Variants in IFT56 observed in about 807,000 individuals in gnomAD.
The protein encoded by IFT56 is intraflagellar transport 56, also known as intraflagellar transport protein 56.
the IFT56 span, chr7:139,191,755 A>C: frequency 6.6e-6 from 1 of 152,226 alleles, no homozygotes; most frequent in Non-Finnish European, 1.5e-5. Context: ...AAGATTGCAA[A>C]GTAGTATTGC....
the IFT56 span, among the ~76,000 whole-genome samples, chr7:139,177,901 T>C: frequency 6.6e-6 from 1 of 152,068 alleles, no homozygotes; most frequent in African/African-American, 2.4e-5. Flanking sequence ...ACTAATTGAA[T>C]GTGCACATGT....
chr7:139,181,036 A>AT, the IFT56 span: 2 of 1,109,146 alleles, frequency 1.8e-6, no homozygotes, highest in Non-Finnish European at 2.7e-6. Flanking sequence ...TGCAGAAATT[A>AT]TTTTTGTACA....
chr7:139,141,474 T>C, the IFT56 span, among the ~76,000 whole-genome samples: 4 of 152,308 alleles, frequency 2.6e-5, no homozygotes, highest in South Asian at 2.1e-4. Flanking sequence ...TAGGTACTAA[T>C]GTAGTTTTTC....
chr7:139,173,244 T>G, the IFT56 span: 5 of 449,902 alleles, frequency 1.1e-5, no homozygotes, highest in Non-Finnish European at 2.0e-5. Flanking sequence ...TTTTTTTTTT[T>G]GAGATGGAGT....
chr7:139,168,205 C>A, the IFT56 span: 1 of 472,622 alleles, frequency 2.1e-6, no homozygotes, highest in Non-Finnish European at 3.7e-6. Flanking sequence ...TTTATTCAAG[C>A]CAGGGATAGA....
chr7:139,173,747 C>T, the IFT56 span: 112 of 765,712 alleles, frequency 1.5e-4, 2 homozygotes, highest in South Asian at 1.4e-3. Context: ...AAAATGCTTC[C>T]AAAATCATTA....
At chr7:139,189,089 C>T in the IFT56 span, among the ~76,000 whole-genome samples, 1 of 152,146 alleles carries the variant, frequency 6.6e-6, no homozygotes, top group Non-Finnish European at 1.5e-5. Flanking sequence ...TATGGATAAA[C>T]AAGGAACACT....
the IFT56 span, among the ~76,000 whole-genome samples, chr7:139,156,343 A>T: frequency 6.6e-6 from 1 of 150,784 alleles, no homozygotes; most frequent in Admixed American, 6.6e-5. Context: ...TTTCTGCTCT[A>T]ATCTTTATTT....
the IFT56 span, among the ~76,000 whole-genome samples, chr7:139,163,850 A>C: frequency 3.9e-5 from 6 of 152,222 alleles, no homozygotes; most frequent in African/African-American, 1.4e-4. Context: ...AAGGAACCAA[A>C]AAAGCACTAA....
At chr7:139,139,465 C>T in the IFT56 span, among the ~76,000 whole-genome samples, 1 of 152,052 alleles carries the variant, frequency 6.6e-6, no homozygotes, top group South Asian at 2.1e-4. Context: ...CTGAAGGCTC[C>T]CTCAATGCCA....
At chr7:139,146,702 G>T in the IFT56 span, among the ~76,000 whole-genome samples, 5 of 151,092 alleles carry the variant, frequency 3.3e-5, no homozygotes, top group Admixed American at 6.6e-5. Context: ...GGGAGGCAGA[G>T]GTTGCAGTGA....
chr7:139,142,416 T>G, the IFT56 span: 1 of 982,388 alleles, frequency 1.0e-6, no homozygotes, highest in East Asian at 2.6e-5. Flanking sequence ...TTGTTAATGG[T>G]TTTCTAGAAC....
the IFT56 span, chr7:139,168,704 C>CT: frequency 2.8e-6 from 1 of 352,830 alleles, no homozygotes; most frequent in East Asian, 5.0e-5. Context: ...TTTGCAGCGA[C>CT]TTTTTTTAAA....
chr7:139,156,640 G>A, the IFT56 span, among the ~76,000 whole-genome samples: 2 of 151,832 alleles, frequency 1.3e-5, no homozygotes, highest in Non-Finnish European at 2.9e-5. Flanking sequence ...ATTCTACATG[G>A]AATTGATTTT....
chr7:139,186,581 G>A, the IFT56 span, among the ~76,000 whole-genome samples: 1 of 152,108 alleles, frequency 6.6e-6, no homozygotes, highest in African/African-American at 2.4e-5. Context: ...AAAAGATTTA[G>A]TGTTTAGAAT....
chr7:139,147,652 G>A, the IFT56 span, among the ~76,000 whole-genome samples: 1 of 152,074 alleles, frequency 6.6e-6, no homozygotes, highest in African/African-American at 2.4e-5. Flanking sequence ...CCCTTTGGGG[G>A]TAATACTGAT....
chr7:139,134,310 C>T, the IFT56 span, among the ~76,000 whole-genome samples: 2 of 147,504 alleles, frequency 1.4e-5, no homozygotes, highest in African/African-American at 5.0e-5. Flanking sequence ...CTCGCTTTGT[C>T]GCCCAGGTTG....
At chr7:139,165,141 C>T in the IFT56 span, 2 of 1,612,182 alleles carry the variant, frequency 1.2e-6, no homozygotes, top group African/African-American at 1.3e-5. Context: ...GGTTGTTTTC[C>T]GAGGAGGTGA....
At chr7:139,143,998 A>ATTTT in the IFT56 span, among the ~76,000 whole-genome samples, 1 of 152,124 alleles carries the variant, frequency 6.6e-6, no homozygotes, top group African/African-American at 2.4e-5. Context: ...TTTGAAAAAT[A>ATTTT]TTTTAAGTGT....
Sources: gnomAD v4.1 joint callset for allele counts (sites outside exome capture counted in the v4.1 genomes callset) on GRCh38, gnomAD v4.1.1 for gene constraint, MANE v1.5 for transcripts, NCBI Gene and HGNC (gene_info 2026-07-23, HGNC 2026-07-21) for gene names.